The following SMCHD1 variants were observed in gnomAD, a reference collection of about 807,000 sequenced individuals.
The protein encoded by SMCHD1 is structural maintenance of chromosomes flexible hinge domain-containing protein 1.
SMCHD1 carries 78 observed loss-of-function variants against 254.7 expected under a neutral mutation model. That is an observed-to-expected ratio of 0.31 (90% CI 0.26 to 0.37). The LOEUF (loss-of-function observed/expected upper bound fraction) is 0.37. Among genes scored for constraint, SMCHD1 ranks in the 10% least tolerant of loss-of-function variants. The probability of loss-of-function intolerance (pLI) is 1.00; values close to 1 mark genes in which losing one functional copy is unlikely to be tolerated. For missense variants in SMCHD1, 1,840 were observed against 2,408.1 expected, an observed-to-expected ratio of 0.76 and a Z score of 4.94; for synonymous variants, 766 against 794.9, an observed-to-expected ratio of 0.96 and a Z score of 0.61.
rs1039632433 is a variant in SMCHD1 at position 2,750,477 on chromosome 18, G to A, written c.4135G>A (p.Ala1379Thr). 8.7e-6 allele frequency: 14 copies of A among 1,608,634 alleles called. No individual in the cohort carries two copies. The African/African-American group carries it at 1.7e-4, about 20-fold the overall frequency. Residue 1379 changes from alanine to threonine, a missense_variant, in exon 32 of 48, where the codon GCA (alanine) becomes ACA (threonine). Ala to Thr is a moderately conservative substitution (Grantham distance 58, BLOSUM62 0). Coordinates refer to ENST00000320876, the MANE Select transcript of SMCHD1 (RefSeq NM_015295.3). The part of the protein sequence containing the change: ...VRLNVKYDKD[A>T]SFLAGGLFTD... ...TCTCAATGTTAAATATGACAAAGAT[G>A]CATCCTTCTTAGCAGGGGGTCTTTT... is the stretch of plus-strand genomic sequence containing the variant.
rs374955938 is a variant in SMCHD1 at position 2,743,498 on chromosome 18, G to T, written c.3634-263G>T. 3.9e-5 allele frequency among the ~76,000 whole-genome samples: 6 copies of T among 152,180 alleles called. No individual in the cohort carries two copies. In the East Asian group the frequency reaches 1.2e-3, roughly 29 times the overall value. ...AGCAGAAAGGAGGAAGTATAAAGAA[G>T]AGGGAAATTAAGAAAAGATAAAATA... is the stretch of plus-strand genomic sequence containing the variant. On this transcript the variant is annotated intron_variant, in intron 28 of 47. Transcript: ENST00000320876.
At position 2,742,013 on chromosome 18, in the gene SMCHD1, G is replaced by T. The variant is rs145008013; in HGVS notation, c.3633+1192G>T. The stretch of plus-strand genomic sequence containing the variant: ...GTTGTATGTTTTCACATCCTTTTCT[G>T]TCATTCTGTAGCAAGCCACTCTGAT... On this transcript the variant is annotated intron_variant, in intron 28 of 47. Transcript: ENST00000320876. Among the ~76,000 whole-genome samples the T allele has an allele frequency of 5.3e-5, 8 of 152,254 alleles. No individual in the cohort carries two copies. The East Asian group carries it at 1.5e-3, about 29-fold the overall frequency.
chr18:2,751,168 C>CAT lies in SMCHD1; in HGVS notation c.4166-110_4166-109insAT, dbSNP rs71365197. 186,270 of 606,028 alleles carry CAT rather than the reference C, an allele frequency of 0.31. 30,180 individuals carry two copies. The highest frequency in any genetic ancestry group is 0.46 in the East Asian group (13,897 of 30,512). The allele number at this position is 606,028 out of a possible 1,614,324, so 37.5% of individuals were successfully genotyped here. A position where few individuals can be genotyped will look rare whatever the true frequency, so the allele number is the denominator to read the frequency against. ...CAGAATTGTATTAACATTTAAATAACGTGTGCTTTAAACATTTAAATAAGA... is the reference window on the plus strand; with the variant it reads ...CAGAATTGTATTAACATTTAAATAACATGTGTGCTTTAAACATTTAAATAAGA... On this transcript the variant is annotated intron_variant, in intron 32 of 47. Coordinates refer to ENST00000320876, the MANE Select transcript of SMCHD1 (RefSeq NM_015295.3).
chr18:2,771,732 C>A, intron 40 of SMCHD1, 114 bp downstream of exon 40: 1 of 731,422 alleles, frequency 1.4e-6, no homozygotes, highest in Non-Finnish European at 2.1e-6. Flanking sequence ...GGTACAAAGA[C>A]GTGCATTATC....
At chr18:2,728,964 A>AC (rs397786627) in intron 23 of SMCHD1, 1 of 231,466 alleles carries the variant, frequency 4.3e-6, no homozygotes, top group African/African-American at 2.3e-5. Flanking sequence ...AAAAAAAAAA[A>AC]GGGAATGATG....
chr18:2,712,890 T>C (rs1340905095), intron 17 of SMCHD1, among the ~76,000 whole-genome samples: 1 of 152,216 alleles, frequency 6.6e-6, no homozygotes, highest in African/African-American at 2.4e-5. Context: ...CCACGCATGA[T>C]CTGGCCCTTC....
intron 7 of SMCHD1, 69 bp downstream of exon 7, chr18:2,688,816 T>G (rs1012403692): frequency 2.0e-5 from 19 of 949,820 alleles, no homozygotes; most frequent in Admixed American, 3.4e-5. Flanking sequence ...GAACTTAACT[T>G]GAAAGTATGA....
intron 33 of SMCHD1, 148 bp from the exon 34 acceptor site, chr18:2,752,340 T>C: frequency 3.2e-6 from 2 of 629,216 alleles, no homozygotes; most frequent in South Asian, 1.8e-5. Flanking sequence ...ATTATGAAGA[T>C]ATAAACGTGT....
Position 2,772,324 on chromosome 18 carries a change from G to C in SMCHD1, c.5127G>C (p.Ser1709=). Residue 1709 remains serine (S), a synonymous_variant, in exon 41 of 48, where the codon TCG becomes TCC. Transcript: ENST00000320876. ...AACTGAAGAAAAAACCTAGAAGATC[G>C]TGTACTCTTCCAAACTATACTAAAG... ...QEELKKKPRR[S]CTLPNYTKGS... 1 of 1,606,642 alleles carries C rather than the reference G, an allele frequency of 6.2e-7. No individual in the cohort carries two copies. The highest frequency in any genetic ancestry group is 8.5e-7 in the Non-Finnish European group (1 of 1,177,094).
At chr18:2,705,162 T>A (rs1230942015) in intron 13 of SMCHD1, among the ~76,000 whole-genome samples, 1 of 152,158 alleles carries the variant, frequency 6.6e-6, no homozygotes, top group Non-Finnish European at 1.5e-5. Context: ...AGAAATAGTT[T>A]AGAAATGGGG....
intron 2 of SMCHD1, 107 bp from the exon 3 acceptor site, chr18:2,666,763 A>G: frequency 1.1e-6 from 1 of 906,424 alleles, no homozygotes; most frequent in Non-Finnish European, 1.6e-6. Flanking sequence ...GTTTTTCTTT[A>G]CCATCATTAA....
Position 2,700,557 on chromosome 18 carries a change from A to T in SMCHD1, c.1361A>T (p.Asp454Val). 1 of 1,609,492 alleles carries T rather than the reference A, an allele frequency of 6.2e-7. No individual in the cohort carries two copies. The highest frequency in any genetic ancestry group is 8.5e-7 in the Non-Finnish European group (1 of 1,178,312). Reference protein sequence around the residue: ...CFPSKLKDEDDEDDCFILEKA... With the variant: ...CFPSKLKDEDVEDDCFILEKA... ...GATCTAGAATTAAAAGATGAAGATG[A>T]TGAAGATGATTGTTTCATACTTGAG... The change falls in exon 11 of 48, where the codon GAT (aspartate) becomes GTT (valine). Residue 454 changes from aspartate to valine, a missense_variant. Asp to Val is a radical substitution (Grantham distance 152). Coordinates refer to ENST00000320876, the MANE Select transcript of SMCHD1 (RefSeq NM_015295.3).
chr18:2,787,542 A>AT (rs1366847051), intron 45 of SMCHD1, among the ~76,000 whole-genome samples: 3 of 152,242 alleles, frequency 2.0e-5, no homozygotes, highest in Admixed American at 2.0e-4. Context: ...AAAGAAACTG[A>AT]TAAGAAATCA....
At chr18:2,669,491 T>C (rs962239561) in intron 3 of SMCHD1, among the ~76,000 whole-genome samples, 1 of 152,234 alleles carries the variant, frequency 6.6e-6, no homozygotes, top group Non-Finnish European at 1.5e-5. Context: ...CTTGATTTTC[T>C]TCTTACCTCA....
At chr18:2,701,386 C>T (rs2074398632) in intron 12 of SMCHD1, 1 of 152,784 alleles carries the variant, frequency 6.5e-6, no homozygotes, top group Non-Finnish European at 1.5e-5. Context: ...GTCTCGAACT[C>T]CTGACCTCAG....
Position 2,769,993 on chromosome 18 carries a change from T to C in SMCHD1, c.4851T>C (p.Val1617=). Residue 1617 remains valine, a synonymous_variant, in exon 39 of 48, where the codon GTT becomes GTC. Transcript: ENST00000320876. ...YILPFMFYND[V]KKQQQMAALT... ...TATCTCAATTTTTTTTCTTAGATGT[T>C]AAGAAGCAGCAACAAATGGCAGCAC... 1 of 1,585,292 alleles carries C rather than the reference T, an allele frequency of 6.3e-7. No individual in the cohort carries two copies. The highest frequency in any genetic ancestry group is 8.5e-7 in the Non-Finnish European group (1 of 1,172,014).
In SMCHD1 at chr18:2,803,178, T is replaced by A. The variant is rs933015471; in HGVS notation, c.*626T>A. 27 of 133,460 alleles carry A rather than the reference T, an allele frequency of 2.0e-4. No homozygotes were observed. Among genetic ancestry groups the A allele is most frequent in the African/African-American group, 7.5e-4 (27 of 35,794 alleles). The allele number at this position is 133,460 out of a possible 1,614,324, so 8.3% of individuals were successfully genotyped here. The stretch of plus-strand genomic sequence containing the variant: ...AGCATTTCAAATTTCAAAAGACTTA[T>A]CCTGTGTGTGTGTGTGTGTGTATAT... On this transcript the variant is annotated 3_prime_UTR_variant, in exon 48 of 48. Transcript: ENST00000320876.
chr18:2,744,009 A>G (rs1257990984), intron 29 of SMCHD1, 81 bp downstream of exon 29: 4 of 1,244,698 alleles, frequency 3.2e-6, no homozygotes, highest in African/African-American at 1.5e-5. Context: ...ATCAGAATAG[A>G]TATATTTTGT....
intron 17 of SMCHD1, among the ~76,000 whole-genome samples, chr18:2,708,215 T>C (rs1252415728): frequency 1.3e-5 from 2 of 152,148 alleles, no homozygotes; most frequent in African/African-American, 4.8e-5. Flanking sequence ...CATATATGTA[T>C]TATTACAGTT....
Sources: allele counts gnomAD v4.1 joint callset (sites outside exome capture counted in the v4.1 genomes callset), GRCh38; gene constraint gnomAD v4.1.1; transcripts MANE v1.5; gene names NCBI Gene and HGNC (gene_info 2026-07-23, HGNC 2026-07-21).